MCTP2: variants seen among roughly 807,000 people sequenced by gnomAD.
MCTP2 encodes the protein multiple C2 and transmembrane domain-containing protein 2.
A neutral mutation model predicts 111.6 loss-of-function variants in MCTP2; 132 were observed. The ratio of observed to expected loss-of-function variants is 1.18; its 90% CI spans 1.03 to 1.37. MCTP2 has a LOEUF of 1.37. Ranked by LOEUF, MCTP2 falls within the 40% of genes most tolerant of loss-of-function variation. MCTP2 has a pLI of 0.00. For missense variants in MCTP2, 1,183 were observed against 1,067.9 expected, an observed-to-expected ratio of 1.11 and a Z score of -1.50; for synonymous variants, 395 against 387.7, an observed-to-expected ratio of 1.02 and a Z score of -0.22.
At position 94,454,601 on chromosome 15, in the gene MCTP2, G is replaced by GA. The variant is rs112572523; in HGVS notation, c.2251-3524dup. Among the ~76,000 whole-genome samples the GA allele has an allele frequency of 6.0e-3, 882 of 146,988 alleles. 3 individuals carry two copies. The highest frequency in any genetic ancestry group is 0.018 in the South Asian group (81 of 4,624). On this transcript the variant is annotated intron_variant, in intron 19 of 22. Coordinates refer to ENST00000357742, the MANE Select transcript of MCTP2 (RefSeq NM_001385001.1). ...TTCTCCAAAATTGGACTCTTTTGTGGAAAAAAAAAAAACCCTAAATTATGG... is the reference window on the plus strand; with the variant it reads ...TTCTCCAAAATTGGACTCTTTTGTGGAAAAAAAAAAAAACCCTAAATTATGG...
intron 17 of MCTP2, chr15:94,402,731 A>G: frequency 1.4e-6 from 2 of 1,437,236 alleles, no homozygotes; most frequent in African/African-American, 2.9e-5. Flanking sequence ...CAAATTGGTA[A>G]TGTCAGCCAT....
At chr15:94,390,105 T>TAC (rs2080852115) in intron 14 of MCTP2, among the ~76,000 whole-genome samples, 1 of 40,198 alleles carries the variant, frequency 2.5e-5, no homozygotes, top group African/African-American at 5.8e-5. Context: ...TATATATATA[T>TAC]ATATATATGT....
At chr15:94,337,045 G>T (rs554639902) in intron 4 of MCTP2, among the ~76,000 whole-genome samples, 110 of 152,202 alleles carry the variant, frequency 7.2e-4, no homozygotes, top group Admixed American at 2.2e-3. Flanking sequence ...TGTATAATCT[G>T]GGAGTTGCAT....
chr15:94,427,934 T>A (rs1382879284), intron 17 of MCTP2, among the ~76,000 whole-genome samples: 3 of 152,238 alleles, frequency 2.0e-5, no homozygotes, highest in Non-Finnish European at 2.9e-5. Flanking sequence ...ACATGCTAGC[T>A]TAACAACAAT....
chr15:94,381,444 GA>G (rs2080130501), intron 12 of MCTP2, among the ~76,000 whole-genome samples: 1 of 152,196 alleles, frequency 6.6e-6, no homozygotes, highest in African/African-American at 2.4e-5. Context: ...GTTTCTGGAG[GA>G]AAGTCTGTTC....
chr15:94,382,305 G>A (rs1022940041), intron 12 of MCTP2, among the ~76,000 whole-genome samples: 1 of 152,222 alleles, frequency 6.6e-6, no homozygotes, highest in Non-Finnish European at 1.5e-5. Context: ...TAGGAATTCT[G>A]AATGCTGTTT....
At chr15:94,361,945 T>C (rs1316948799) in intron 10 of MCTP2, among the ~76,000 whole-genome samples, 1 of 152,164 alleles carries the variant, frequency 6.6e-6, no homozygotes, top group East Asian at 1.9e-4. Flanking sequence ...ACCTGCCCCG[T>C]AGGCCCCTCC....
intron 17 of MCTP2, among the ~76,000 whole-genome samples, chr15:94,421,120 C>G (rs769433229): frequency 5.4e-5 from 8 of 148,776 alleles, no homozygotes; most frequent in Admixed American, 4.0e-4. Flanking sequence ...TAGCAATGAA[C>G]TGTTTTTAAT....
At chr15:94,397,069 G>A (rs1017707070) in intron 14 of MCTP2, among the ~76,000 whole-genome samples, 9 of 152,176 alleles carry the variant, frequency 5.9e-5, no homozygotes, top group African/African-American at 2.2e-4. Context: ...GTTTGTGGAA[G>A]TTCAAAGGGA....
intron 1 of MCTP2, among the ~76,000 whole-genome samples, chr15:94,278,609 G>A (rs2074327893): frequency 6.6e-6 from 1 of 152,040 alleles, no homozygotes; most frequent in African/African-American, 2.4e-5. Context: ...TTTCAGGGAG[G>A]TACATGTACA....
intron 2 of MCTP2, among the ~76,000 whole-genome samples, chr15:94,302,311 A>C (rs1051250792): frequency 3.9e-5 from 6 of 152,230 alleles, no homozygotes; most frequent in African/African-American, 1.4e-4. Context: ...ACAGGACCCC[A>C]AATATCAGCA....
Position 94,315,585 on chromosome 15 carries a change from C to T in MCTP2, c.585C>T (p.Leu195=). 1.2e-6 allele frequency: 2 copies of T among 1,614,144 alleles called. No individual in the cohort carries two copies. Among genetic ancestry groups the T allele is most frequent in the Non-Finnish European group, 8.5e-7 (1 of 1,180,018 alleles). The change falls in exon 4 of 23, where the codon CTC becomes CTT. Residue 195 remains leucine (L), a synonymous_variant. Coordinates refer to ENST00000357742, the MANE Select transcript of MCTP2 (RefSeq NM_001385001.1). ...LSNLPSPFAY[L]LTIHLKEGRN... ...ACCTCCCCAGCCCTTTTGCGTACCT[C>T]CTCACCATACACCTGAAGGAAGGCC...
At chr15:94,295,139 G>A (rs913992774) in intron 1 of MCTP2, among the ~76,000 whole-genome samples, 79 of 151,464 alleles carry the variant, frequency 5.2e-4, no homozygotes, top group African/African-American at 1.9e-3. Flanking sequence ...TAGTAGAGAT[G>A]GGATTCTGCC....
At chr15:94,360,200 A>G (rs558316558) in intron 10 of MCTP2, among the ~76,000 whole-genome samples, 17 of 152,100 alleles carry the variant, frequency 1.1e-4, no homozygotes, top group African/African-American at 3.9e-4. Flanking sequence ...CACATCCCCA[A>G]TTCTATGCTT....
Position 94,478,973 on chromosome 15 carries a change from A to G in MCTP2, c.2576A>G (p.Tyr859Cys), listed in dbSNP as rs546741944. ...RVPSDVQKVQYAELKLCSSHS... is the reference protein window; with the variant it reads ...RVPSDVQKVQCAELKLCSSHS... ...GGCTATTTGTTTTCACAGGTGCAGT[A>G]TGCAGAATTGAAACTCTGCAGCAGC... The change falls in exon 23 of 23, where the codon TAT becomes TGT. Residue 859 changes from tyrosine (Y) to cysteine (C), a missense_variant. By Grantham distance (194) the Tyr-to-Cys change is radical (BLOSUM62 -2). Transcript: ENST00000357742. The G allele has an allele frequency of 1.1e-5, 18 of 1,613,862 alleles. No homozygotes were observed. The highest frequency in any genetic ancestry group is 1.4e-5 in the Non-Finnish European group (17 of 1,179,962).
rs1409019240 is a variant in MCTP2, at chr15:94,440,299, G to A, written c.2208+1G>A. ...GGTCAGCAGCATCCAGGACAGCCAG[G>A]TAAGCAAGGATTCGGAGTTCTGACA... On this transcript the variant is annotated splice_donor_variant, in intron 18 of 22. Transcript: ENST00000357742. LOFTEE classifies it high-confidence loss of function. The A allele has an allele frequency of 1.2e-6, 2 of 1,613,568 alleles. No homozygotes were observed. The highest frequency in any genetic ancestry group is 2.2e-5 in the East Asian group (1 of 44,874).
chr15:94,244,540 A>C (rs1596152256), intron 1 of MCTP2, among the ~76,000 whole-genome samples: 1 of 146,544 alleles, frequency 6.8e-6, no homozygotes, highest in South Asian at 2.1e-4. Flanking sequence ...ATATGTATAC[A>C]CATACATATG....
At chr15:94,367,016 T>C (rs529933385) in intron 10 of MCTP2, among the ~76,000 whole-genome samples, 14 of 152,372 alleles carry the variant, frequency 9.2e-5, no homozygotes, top group Admixed American at 5.2e-4. Context: ...CAGCACTTCA[T>C]GCTCCATTTG....
rs552398834 is a variant in MCTP2, at chr15:94,453,453, C to A, written c.2251-4684C>A. Among the ~76,000 whole-genome samples the A allele has an allele frequency of 7.9e-5, 12 of 152,302 alleles. No individual in the cohort carries two copies. In the East Asian group the frequency reaches 2.3e-3, roughly 29 times the overall value. ...GTCTACCGGCCCATTAAGCTGTGGC[C>A]ACTGCCAGGGCCTGTAAGATTCAGG... On this transcript the variant is annotated intron_variant, in intron 19 of 22. Transcript: ENST00000357742.
Sources: allele counts gnomAD v4.1 joint callset (sites outside exome capture counted in the v4.1 genomes callset), GRCh38; gene constraint gnomAD v4.1.1; transcripts MANE v1.5; gene names NCBI Gene and HGNC (gene_info 2026-07-23, HGNC 2026-07-21).